AFMID: variants seen among roughly 807,000 people sequenced by gnomAD.
The protein encoded by AFMID is arylformamidase, also known as kynurenine formamidase.
AFMID carries 39 observed loss-of-function variants against 47.5 expected under a neutral mutation model. The ratio of observed to expected loss-of-function variants is 0.82; its 90% CI spans 0.64 to 1.07. The LOEUF is 1.07. AFMID is among the 50% of genes least tolerant of loss of function. AFMID has a pLI of 0.00. For missense variants in AFMID, 375 were observed against 387.5 expected, an observed-to-expected ratio of 0.97 and a Z score of 0.27; for synonymous variants, 130 against 153.2, an observed-to-expected ratio of 0.85 and a Z score of 1.12.
At chr17:78,197,312 C>A in intron 2 of AFMID, 2 of 1,109,704 alleles carry the variant, frequency 1.8e-6, no homozygotes, top group Non-Finnish European at 2.6e-6. Flanking sequence ...TGCCTTTTGA[C>A]CCAGAATTCT....
rs890276864 is a variant in AFMID, at chr17:78,205,087, T to A, written c.468-6T>A. 3.1e-6 allele frequency: 5 copies of A among 1,607,434 alleles called. No homozygotes were observed. The highest frequency in any genetic ancestry group is 4.2e-6 in the Non-Finnish European group (5 of 1,176,956). ...AAATCCAGCTCTCTGCTCTGACCCC[T>A]CCCAGGGGAATTTACCTGTGTGGAC... On this transcript the variant is annotated splice_region_variant and splice_polypyrimidine_tract_variant and intron_variant, in intron 6 of 10. Coordinates refer to ENST00000409257, the MANE Select transcript of AFMID (RefSeq NM_001010982.5).
intron 1 of AFMID, 114 bp downstream of exon 1, chr17:78,187,547 A>G (rs1046377604): frequency 5.0e-6 from 6 of 1,188,926 alleles, no homozygotes; most frequent in African/African-American, 1.5e-5. Context: ...GTGGGCATGC[A>G]GAGCGCCTAG....
At chr17:78,190,578 G>T (rs935327269) in intron 1 of AFMID, 2 of 179,200 alleles carry the variant, frequency 1.1e-5, no homozygotes, top group African/African-American at 4.8e-5. Context: ...TTTCAGTAGA[G>T]ATGGGGTTTT....
chr17:78,205,198 T>C lies in AFMID; in HGVS notation c.565+8T>C, dbSNP rs1401557643. ...TCACGCCCAACCTCAGAGGTTTCCA[T>C]GGGAGCTACAGCCTGGCTGGGCAAC... On this transcript the variant is annotated splice_region_variant and intron_variant, in intron 7 of 10. Coordinates refer to ENST00000409257, the MANE Select transcript of AFMID (RefSeq NM_001010982.5). The C allele has an allele frequency of 6.2e-7, 1 of 1,608,228 alleles. No homozygotes were observed. The highest frequency in any genetic ancestry group is 8.5e-7 in the Non-Finnish European group (1 of 1,177,258).
chr17:78,191,074 C>T lies in AFMID; in HGVS notation c.154+14C>T, dbSNP rs1375448488. 1.9e-6 allele frequency: 3 copies of T among 1,610,050 alleles called. No homozygotes were observed. The highest frequency in any genetic ancestry group is 4.5e-5 in the East Asian group (2 of 44,838). ...TAGGAATTGAAGGTACTAGTGTGAC[C>T]TCTCCGTGGCCGCATTGGGTGTCCT... On this transcript the variant is annotated intron_variant, in intron 2 of 10. Transcript: ENST00000409257.
chr17:78,200,051 A>C lies in AFMID; in HGVS notation c.155-2448A>C, dbSNP rs143900659. The stretch of plus-strand genomic sequence containing the variant: ...AGGTGACCCCCACAACGACATAAAA[A>C]AAAAAAAAGATATGTCCAAATCCTA... On this transcript the variant is annotated intron_variant, in intron 2 of 10. Coordinates refer to ENST00000409257, the MANE Select transcript of AFMID (RefSeq NM_001010982.5). Among the ~76,000 whole-genome samples the C allele has an allele frequency of 4.3e-4, 65 of 152,316 alleles. 1 individual carries two copies. The East Asian group carries it at 0.011, about 27-fold the overall frequency.
At chr17:78,206,712 C>T (rs2076394469) in intron 10 of AFMID, among the ~76,000 whole-genome samples, 199 bp from the exon 11 acceptor site, 1 of 145,946 alleles carries the variant, frequency 6.9e-6, no homozygotes, top group Non-Finnish European at 1.5e-5. Context: ...TCTTCTTCTT[C>T]CTTCATCTCA....
intron 2 of AFMID, among the ~76,000 whole-genome samples, chr17:78,195,992 C>T (rs140981189): frequency 3.2e-4 from 49 of 152,236 alleles, no homozygotes; most frequent in African/African-American, 1.2e-3. Flanking sequence ...ACTACAGGCG[C>T]CCACCACCAT....
chr17:78,206,437 G>A lies in AFMID; in HGVS notation c.885+387G>A, dbSNP rs373257995. Among the ~76,000 whole-genome samples, 46 of 150,994 alleles carry A rather than the reference G, an allele frequency of 3.0e-4. 1 individual carries two copies. The East Asian group carries it at 7.8e-3, about 26-fold the overall frequency. On this transcript the variant is annotated intron_variant, in intron 10 of 10. Transcript: ENST00000409257. ...TCTTTTTTTTTTTCTTTAGAGACAG[G>A]GTCTCCTCTCTTGCACCCAGGCTGG...
chr17:78,202,903 C>A, intron 4 of AFMID, 152 bp downstream of exon 4: 1 of 952,950 alleles, frequency 1.0e-6, no homozygotes, highest in South Asian at 1.6e-5. Context: ...AGTCTCAAGT[C>A]AAATGTGGGC....
intron 2 of AFMID, among the ~76,000 whole-genome samples, chr17:78,195,294 A>G (rs181378716): frequency 6.6e-6 from 1 of 151,954 alleles, no homozygotes. Flanking sequence ...TCCTGGGTTC[A>G]AGCAGTTCTT....
chr17:78,202,542 C>A lies in AFMID; in HGVS notation c.198C>A (p.Val66=), dbSNP rs2145873389. 5.0e-6 allele frequency: 8 copies of A among 1,614,160 alleles called. No homozygotes were observed. Among genetic ancestry groups the A allele is most frequent in the Non-Finnish European group, 6.8e-6 (8 of 1,180,038 alleles). The change falls in exon 3 of 11, where the codon GTC becomes GTA. Residue 66 remains valine (V), a synonymous_variant. Transcript: ENST00000409257. The part of the protein sequence containing the change: ...ARATRKSLLH[V]PYGDGEGEKV... The stretch of plus-strand genomic sequence containing the variant: ...CCACCAGGAAGAGCCTGCTGCATGT[C>A]CCCTATGGAGACGGCGAAGGGGAGA...
intron 2 of AFMID, among the ~76,000 whole-genome samples, chr17:78,192,053 C>G (rs1432908688): frequency 6.6e-6 from 1 of 151,810 alleles, no homozygotes; most frequent in Non-Finnish European, 1.5e-5. Flanking sequence ...GGCTGGAGTG[C>G]AATGGCATGA....
Position 78,206,950 on chromosome 17 carries a change from T to A in AFMID, c.*13T>A, listed in dbSNP as rs1006525741. The stretch of plus-strand genomic sequence containing the variant: ...AATCTTCCAGTAGTTCTGACGATAC[T>A]TGGAGCCTGGTCCACGTGCATCCCA... On this transcript the variant is annotated 3_prime_UTR_variant, in exon 11 of 11. Coordinates refer to ENST00000409257, the MANE Select transcript of AFMID (RefSeq NM_001010982.5). The A allele has an allele frequency of 2.5e-6, 4 of 1,613,938 alleles. No individual in the cohort carries two copies. Among genetic ancestry groups the A allele is most frequent in the Non-Finnish European group, 2.5e-6 (3 of 1,179,844 alleles).
chr17:78,197,272 C>T lies in AFMID; in HGVS notation c.155-5227C>T, dbSNP rs1006843391. ...TTGGCAAACCCCCATGGATGGCAGC[C>T]GGCAATGGCCTCACAGTGACAAATG... On this transcript the variant is annotated intron_variant, in intron 2 of 10. Coordinates refer to ENST00000409257, the MANE Select transcript of AFMID (RefSeq NM_001010982.5). 28 of 1,456,478 alleles carry T rather than the reference C, an allele frequency of 1.9e-5. No homozygotes were observed. In the African/African-American group the frequency reaches 2.0e-4, roughly 10 times the overall value. The allele number at this position is 1,456,478 out of a possible 1,614,324, so 90.2% of individuals were successfully genotyped here. A position where few individuals can be genotyped will look rare whatever the true frequency, so the allele number is the denominator to read the frequency against.
At chr17:78,198,050 G>A (rs778714197) in intron 2 of AFMID, among the ~76,000 whole-genome samples, 4 of 152,114 alleles carry the variant, frequency 2.6e-5, no homozygotes, top group Admixed American at 6.6e-5. Flanking sequence ...GCAACATGGC[G>A]AAACCCTGTC....
At position 78,205,784 on chromosome 17, in the gene AFMID, G is replaced by A. The variant is rs528711173; in HGVS notation, c.780+46G>A. The A allele has an allele frequency of 1.5e-5, 24 of 1,603,056 alleles. No homozygotes were observed. The South Asian group carries it at 2.5e-4, about 17-fold the overall frequency. Reference sequence around the variant, plus strand: ...TGGCCAGAGGTCGAGGGTCATGTGGGCTCATTATTTTCCTCTTTCTTTTAC... The same window carrying A: ...TGGCCAGAGGTCGAGGGTCATGTGGACTCATTATTTTCCTCTTTCTTTTAC... On this transcript the variant is annotated intron_variant, in intron 9 of 10. Coordinates refer to ENST00000409257, the MANE Select transcript of AFMID (RefSeq NM_001010982.5).
intron 2 of AFMID, chr17:78,192,854 G>A: frequency 3.7e-6 from 1 of 272,604 alleles, no homozygotes; most frequent in South Asian, 3.3e-5. Flanking sequence ...GCCTTTCAGA[G>A]GCAGATGCCT....
At chr17:78,203,215 C>T (rs370591530) in intron 4 of AFMID, 1 of 158,874 alleles carries the variant, frequency 6.3e-6, no homozygotes, top group Non-Finnish European at 1.4e-5. Context: ...TGCACGCCAC[C>T]ACACCCAGCT....
Sources: gnomAD v4.1 joint callset for allele counts (sites outside exome capture counted in the v4.1 genomes callset) on GRCh38, gnomAD v4.1.1 for gene constraint, MANE v1.5 for transcripts, NCBI Gene and HGNC (gene_info 2026-07-23, HGNC 2026-07-21) for gene names.